NIPSNAP3B: variants seen among roughly 807,000 people sequenced by gnomAD.
NIPSNAP3B encodes the protein nipsnap homolog 3B, also known as protein NipSnap homolog 3B.
In NIPSNAP3B, 30 loss-of-function variants were observed where a neutral mutation model predicts 31.5. That is an observed-to-expected ratio of 0.95 (90% CI 0.71 to 1.29). The LOEUF (loss-of-function observed/expected upper bound fraction) is 1.29, where lower values mean the gene tolerates loss of function less well. NIPSNAP3B is among the 50% of genes most tolerant of loss of function. The probability of loss-of-function intolerance (pLI) is 0.00; values close to 1 mark genes in which losing one functional copy is unlikely to be tolerated. For synonymous variants in NIPSNAP3B, 106 were observed against 107.9 expected, an observed-to-expected ratio of 0.98 and a Z score of 0.11; for missense variants, 269 against 300.7, an observed-to-expected ratio of 0.89 and a Z score of 0.78.
At chr9:104,765,409 G>A (rs1213597939) in intron 1 of NIPSNAP3B, among the ~76,000 whole-genome samples, 1 of 152,168 alleles carries the variant, frequency 6.6e-6, no homozygotes, top group Non-Finnish European at 1.5e-5. Context: ...ATACACGTGT[G>A]TTTACATAAA....
the NIPSNAP3B span, chr9:104,783,023 C>G: frequency 6.6e-6 from 1 of 152,482 alleles, no homozygotes; most frequent in Non-Finnish European, 1.5e-5. Flanking sequence ...AGCATACACT[C>G]AAAAAATATT....
Position 104,773,685 on chromosome 9 carries a change from G to T in NIPSNAP3B, c.*612G>T, listed in dbSNP as rs1413983489. On this transcript the variant is annotated 3_prime_UTR_variant, in exon 6 of 6. Transcript: ENST00000374762. ...GTCACAGTGTTAAAAATCTAGAAAAGACTTGTTGGTTTATATGCTGAAATT... is the reference window on the plus strand; with the variant it reads ...GTCACAGTGTTAAAAATCTAGAAAATACTTGTTGGTTTATATGCTGAAATT... The T allele has an allele frequency of 6.6e-6, 1 of 152,096 alleles. No homozygotes were observed. The highest frequency in any genetic ancestry group is 2.4e-5 in the African/African-American group (1 of 41,426). The allele number at this position is 152,096 out of a possible 1,614,324, so 9.4% of individuals were successfully genotyped here. A position where few individuals can be genotyped will look rare whatever the true frequency, so the allele number is the denominator to read the frequency against.
chr9:104,785,446 T>C, the NIPSNAP3B span: 1 of 1,609,972 alleles, frequency 6.2e-7, no homozygotes, highest in Non-Finnish European at 8.5e-7. Flanking sequence ...TGGAGTCGCT[T>C]TTTGCTCTGG....
chr9:104,764,374 C>T, intron 1 of NIPSNAP3B, 74 bp downstream of exon 1: 1 of 1,300,726 alleles, frequency 7.7e-7, no homozygotes, highest in Non-Finnish European at 1.0e-6. Context: ...CTGAAGCGTG[C>T]GAGCCACGCT....
rs763819857 is a variant in NIPSNAP3B at position 104,764,226 on chromosome 9, T to G, written c.-15T>G. On this transcript the variant is annotated 5_prime_UTR_variant, in exon 1 of 6. Coordinates refer to ENST00000374762, the MANE Select transcript of NIPSNAP3B (RefSeq NM_018376.4). ...GGACTCGGCTGGCTGCTTTTCTCAG[T>G]GCCGAAGCCGCGCCATGCTCGTTCT... The G allele has an allele frequency of 6.3e-7, 1 of 1,599,434 alleles. No homozygotes were observed. The highest frequency in any genetic ancestry group is 8.5e-7 in the Non-Finnish European group (1 of 1,174,898).
chr9:104,787,428 C>G, the NIPSNAP3B span, among the ~76,000 whole-genome samples: 76 of 151,788 alleles, frequency 5.0e-4, no homozygotes, highest in African/African-American at 1.7e-3. Context: ...AATTCCAGAC[C>G]GAGGTGGAAT....
intron 4 of NIPSNAP3B, 72 bp from the exon 5 acceptor site, chr9:104,772,749 GA>G: frequency 6.7e-7 from 1 of 1,487,832 alleles, no homozygotes; most frequent in South Asian, 1.2e-5. Flanking sequence ...CAACATTTCT[GA>G]TTCACTTTTT....
the NIPSNAP3B span, chr9:104,788,159 C>CT: frequency 7.5e-7 from 1 of 1,326,796 alleles, no homozygotes; most frequent in Non-Finnish European, 1.1e-6. Context: ...GGACTAGATT[C>CT]TATAATCATA....
At chr9:104,764,418 G>A in intron 1 of NIPSNAP3B, 118 bp downstream of exon 1, 2 of 832,390 alleles carry the variant, frequency 2.4e-6, no homozygotes, top group Non-Finnish European at 3.5e-6. Flanking sequence ...CCGCGCCGCC[G>A]CCGAAGTTCT....
intron 5 of NIPSNAP3B, 37 bp downstream of exon 5, chr9:104,772,945 C>G: frequency 1.2e-6 from 2 of 1,613,872 alleles, no homozygotes; most frequent in Non-Finnish European, 1.7e-6. Flanking sequence ...ATTTTTAGAA[C>G]AAATGTGATT....
chr9:104,781,069 G>A (rs150637873), downstream of NIPSNAP3B: 1 of 152,646 alleles, frequency 6.6e-6, no homozygotes, highest in East Asian at 1.9e-4. Context: ...ATAGAAATAT[G>A]CATTTTAATA....
At position 104,775,673 on chromosome 9, in the gene NIPSNAP3B, C is replaced by A. The variant is rs576078847; in HGVS notation, c.*2600C>A. ...CAGGCTCATCACATCCAGGTGTGTT[C>A]CCCACACCTCCACCTGAATGTCTAT... On this transcript the variant is annotated 3_prime_UTR_variant, in exon 6 of 6. Transcript: ENST00000374762. 8.5e-5 allele frequency among the ~76,000 whole-genome samples: 13 copies of A among 152,230 alleles called. No individual in the cohort carries two copies. Among genetic ancestry groups the A allele is most frequent in the African/African-American group, 3.1e-4 (13 of 41,536 alleles).
chr9:104,771,902 CT>C (rs1001113126), intron 4 of NIPSNAP3B, among the ~76,000 whole-genome samples: 10 of 152,116 alleles, frequency 6.6e-5, no homozygotes, highest in African/African-American at 2.2e-4. Flanking sequence ...TATTTTTTGA[CT>C]TTTTAGTAAC....
chr9:104,769,343 A>G (rs1233898614), intron 3 of NIPSNAP3B, among the ~76,000 whole-genome samples: 2 of 150,528 alleles, frequency 1.3e-5, no homozygotes, highest in Non-Finnish European at 2.9e-5. Context: ...AGTCCCAGCT[A>G]CTAGGGAGGC....
At chr9:104,780,122 TCTCC>T (rs1828442408), downstream of NIPSNAP3B, among the ~76,000 whole-genome samples, 1 of 152,206 alleles carries the variant, frequency 6.6e-6, no homozygotes, top group South Asian at 2.1e-4. Flanking sequence ...AGTTTTTTCC[TCTCC>T]CTCGTCATTG....
chr9:104,775,995 A>G lies in NIPSNAP3B; in HGVS notation c.*2922A>G, dbSNP rs1182678237. Among the ~76,000 whole-genome samples the G allele has an allele frequency of 3.3e-5, 5 of 151,924 alleles. No homozygotes were observed. The highest frequency in any genetic ancestry group is 4.8e-5 in the African/African-American group (2 of 41,324). ...GCCCTTCCCCTCTGCTCTCAACCCT[A>G]TTTTCAACATAGCAGTCAGAATAAT... On this transcript the variant is annotated 3_prime_UTR_variant, in exon 6 of 6. Coordinates refer to ENST00000374762, the MANE Select transcript of NIPSNAP3B (RefSeq NM_018376.4).
downstream of NIPSNAP3B, chr9:104,781,840 G>T (rs1828565578): frequency 6.6e-6 from 1 of 152,490 alleles, no homozygotes; most frequent in Non-Finnish European, 1.5e-5. Context: ...CAGAAATTTT[G>T]CTTGATTGAG....
chr9:104,777,101 A>G lies in NIPSNAP3B; in HGVS notation c.*4028A>G, dbSNP rs1564061390. The G allele has an allele frequency of 4.6e-5, 7 of 152,230 alleles. No homozygotes were observed. The allele number at this position is 152,230 out of a possible 1,614,324, so 9.4% of individuals were successfully genotyped here. A position where few individuals can be genotyped will look rare whatever the true frequency, so the allele number is the denominator to read the frequency against. ...TGGTTATAAGTTGCTGTCACAGACT[A>G]TGAAGGTATTTGAATTGTATTTTCA... On this transcript the variant is annotated 3_prime_UTR_variant, in exon 6 of 6. Transcript: ENST00000374762.
chr9:104,779,659 T>C (rs1200246373), downstream of NIPSNAP3B, among the ~76,000 whole-genome samples: 5 of 151,356 alleles, frequency 3.3e-5, no homozygotes. Context: ...ACATTACCAT[T>C]ACAAAGTGCC....
Sources: allele counts gnomAD v4.1 joint callset (sites outside exome capture counted in the v4.1 genomes callset), GRCh38; gene constraint gnomAD v4.1.1; transcripts MANE v1.5; gene names NCBI Gene and HGNC (gene_info 2026-07-23, HGNC 2026-07-21).